Variants in TBC1D5 observed in about 807,000 individuals in gnomAD.
TBC1D5 encodes the protein TBC1 domain family member 5.
TBC1D5 carries 75 observed loss-of-function variants against 100.3 expected under a neutral mutation model. That is an observed-to-expected ratio of 0.75 (90% CI 0.62 to 0.91). TBC1D5 has a LOEUF of 0.91. Among genes scored for constraint, TBC1D5 ranks in the 40% least tolerant of loss-of-function variants. TBC1D5 has a pLI of 0.00. For synonymous variants in TBC1D5, 323 were observed against 325.6 expected, an observed-to-expected ratio of 0.99 and a Z score of 0.09; for missense variants, 910 against 942.4, an observed-to-expected ratio of 0.97 and a Z score of 0.45.
chr3:17,320,877 C>G (rs574487159), intron 13 of TBC1D5, among the ~76,000 whole-genome samples: 2 of 152,240 alleles, frequency 1.3e-5, no homozygotes, highest in East Asian at 3.9e-4. Flanking sequence ...GTGAATCTGT[C>G]TAATTATGCA....
chr3:17,385,318 A>C (rs995950673), intron 8 of TBC1D5, among the ~76,000 whole-genome samples: 1 of 152,204 alleles, frequency 6.6e-6, no homozygotes, highest in Middle Eastern at 3.4e-3. Flanking sequence ...AAAATGTGAG[A>C]GAGTAGAGAG....
At chr3:17,694,828 T>A (rs1038909524) in intron 1 of TBC1D5, among the ~76,000 whole-genome samples, 2 of 151,818 alleles carry the variant, frequency 1.3e-5, no homozygotes, top group Non-Finnish European at 2.9e-5. Context: ...AAGGAAAAAA[T>A]GTTAAAGGCA....
intron 1 of TBC1D5, among the ~76,000 whole-genome samples, chr3:17,653,265 GATTTTATGTTATATGA>G (rs761025503): frequency 7.9e-5 from 12 of 151,918 alleles, no homozygotes; most frequent in South Asian, 2.1e-4. Flanking sequence ...TTAAACACTT[GATTTTATGTTATATGA>G]ATTTTATGTT....
chr3:17,187,834 A>T (rs553549184), intron 18 of TBC1D5, among the ~76,000 whole-genome samples: 1 of 152,202 alleles, frequency 6.6e-6, no homozygotes, highest in African/African-American at 2.4e-5. Flanking sequence ...CCCAGAGTGG[A>T]CCAAGGGCAC....
chr3:17,478,466 T>C (rs1454194917), intron 3 of TBC1D5, among the ~76,000 whole-genome samples: 1 of 152,176 alleles, frequency 6.6e-6, no homozygotes, highest in Non-Finnish European at 1.5e-5. Context: ...TTTATAACTT[T>C]CCTTAATTTC....
intron 13 of TBC1D5, among the ~76,000 whole-genome samples, chr3:17,309,414 C>T (rs953433067): frequency 1.3e-5 from 2 of 151,494 alleles, no homozygotes; most frequent in Non-Finnish European, 2.9e-5. Flanking sequence ...ATTTAAATGC[C>T]GAAGTATTGT....
chr3:17,455,319 T>A (rs549618046), intron 3 of TBC1D5, among the ~76,000 whole-genome samples: 25 of 144,282 alleles, frequency 1.7e-4, no homozygotes, highest in South Asian at 1.3e-3. Flanking sequence ...TAAATATGTG[T>A]ATATGTGTAT....
intron 3 of TBC1D5, among the ~76,000 whole-genome samples, chr3:17,440,592 G>T (rs972708072): frequency 3.3e-5 from 5 of 152,130 alleles, no homozygotes; most frequent in Non-Finnish European, 7.4e-5. Flanking sequence ...ACTGCAGCTT[G>T]GGTGACAAAG....
intron 2 of TBC1D5, among the ~76,000 whole-genome samples, chr3:17,530,098 G>A (rs190290667): frequency 6.6e-6 from 1 of 152,142 alleles, no homozygotes; most frequent in East Asian, 1.9e-4. Context: ...ACAAAAATTA[G>A]CCAGACATGG....
At chr3:17,481,361 G>C (rs552764744) in intron 3 of TBC1D5, among the ~76,000 whole-genome samples, 6 of 152,310 alleles carry the variant, frequency 3.9e-5, no homozygotes, top group African/African-American at 1.2e-4. Flanking sequence ...AGCCTGCCAA[G>C]CCAAGTGGAT....
exon 22 of TBC1D5, chr3:17,157,315 A>AATC (rs2065669635): frequency 6.6e-6 from 1 of 152,270 alleles, no homozygotes; most frequent in African/African-American, 2.4e-5. Context: ...ATATTCCATC[A>AATC]ATCAAATGAA....
At chr3:17,312,841 T>C (rs936920180) in intron 13 of TBC1D5, among the ~76,000 whole-genome samples, 2 of 152,214 alleles carry the variant, frequency 1.3e-5, no homozygotes, top group African/African-American at 4.8e-5. Flanking sequence ...TGTATATCTA[T>C]GTTTTTCCAG....
intron 1 of TBC1D5, among the ~76,000 whole-genome samples, chr3:17,726,275 A>C (rs1011412698): frequency 6.6e-6 from 1 of 152,238 alleles, no homozygotes; most frequent in African/African-American, 2.4e-5. Flanking sequence ...TTTTAAGTTG[A>C]GAAATCACCA....
In TBC1D5 at chr3:17,381,449, A is replaced by T. The variant is rs1288493057; in HGVS notation, c.612+2464T>A. Among the ~76,000 whole-genome samples, 7 of 152,230 alleles carry T rather than the reference A, an allele frequency of 4.6e-5. No homozygotes were observed. In the East Asian group the frequency reaches 1.4e-3, roughly 29 times the overall value. On this transcript the variant is annotated intron_variant, in intron 9 of 21. Transcript: ENST00000253692. ...TAAAGGAAAAGAGGAAATAACAAAG[A>T]GATAAGGTTCACAATGAAAGCCAAC...
intron 1 of TBC1D5, among the ~76,000 whole-genome samples, chr3:17,712,176 T>G (rs2074803345): frequency 6.6e-6 from 1 of 152,120 alleles, no homozygotes. Flanking sequence ...ACCATTTCTA[T>G]GTGTTACTCT....
intron 1 of TBC1D5, among the ~76,000 whole-genome samples, chr3:17,693,954 G>A (rs2071590361): frequency 6.6e-6 from 1 of 152,204 alleles, no homozygotes; most frequent in Non-Finnish European, 1.5e-5. Flanking sequence ...GGCAAACAGA[G>A]TCTGGAGTGG....
rs9817211 is a variant in TBC1D5 at position 17,204,734 on chromosome 3, T to A, written c.1752+9473A>T. Among the ~76,000 whole-genome samples the A allele has an allele frequency of 4.8e-3, 732 of 152,274 alleles. 7 individuals carry two copies. Among genetic ancestry groups the A allele is most frequent in the African/African-American group, 0.017 (690 of 41,562 alleles). On this transcript the variant is annotated intron_variant, in intron 18 of 21. Coordinates refer to ENST00000253692, the Ensembl canonical transcript of TBC1D5. ...TCACAGCCTTCTCAGATTTTTTTTT[T>A]AATTTAAAATAAATGTATTGCACCA...
chr3:17,166,810 CGGCCCTGGCCCT>C, exon 21 of TBC1D5: 1 of 1,613,990 alleles, frequency 6.2e-7, no homozygotes, highest in Non-Finnish European at 8.5e-7. Flanking sequence ...GCCTTGGCCT[CGGCCCTGGCCCT>C]GGCCGCTGGA....
At chr3:17,450,703 T>C (rs1559912469) in intron 3 of TBC1D5, among the ~76,000 whole-genome samples, 1 of 152,034 alleles carries the variant, frequency 6.6e-6, no homozygotes, top group East Asian at 1.9e-4. Context: ...TGAAAAGGAA[T>C]GAACAAAGCC....
Sources: gnomAD v4.1 joint callset for allele counts (sites outside exome capture counted in the v4.1 genomes callset) on GRCh38, gnomAD v4.1.1 for gene constraint, MANE v1.5 for transcripts, NCBI Gene and HGNC (gene_info 2026-07-23, HGNC 2026-07-21) for gene names.